Variants in DENND2A observed in about 807,000 individuals in gnomAD.
DENND2A encodes DENN domain containing 2A, also known as DENN domain-containing protein 2A.
DENND2A carries 53 observed loss-of-function variants against 105.3 expected under a neutral mutation model. The observed-to-expected ratio is 0.50, with a 90% confidence interval of 0.40 to 0.63. The LOEUF is 0.63. Ranked by LOEUF, DENND2A falls within the 30% of genes least tolerant of loss-of-function variation. The pLI is 0.00. For synonymous variants in DENND2A, 522 were observed against 508.4 expected (o/e 1.03, Z -0.36); for missense variants, 1,138 against 1,279.6 (o/e 0.89, Z 1.69).
At position 140,617,086 on chromosome 7, in the gene DENND2A, G is replaced by C. The variant is rs145484125; in HGVS notation, c.-247-11280C>G. Among the ~76,000 whole-genome samples the C allele has an allele frequency of 4.0e-3, 608 of 152,290 alleles. 2 individuals are homozygous for C. The highest frequency in any genetic ancestry group is 0.014 in the African/African-American group (564 of 41,566). On this transcript the variant is annotated intron_variant, in intron 1 of 19. Coordinates refer to ENST00000496613, the MANE Select transcript of DENND2A (RefSeq NM_015689.5). ...TTGGCCAGGATGGTCTCGAACTCCC[G>C]ACCTCAGGTGATCTGCCCGCCTTGG...
chr7:140,559,740 G>A lies in DENND2A; in HGVS notation c.1857C>T (p.Ala619=), dbSNP rs199689388. The change falls in exon 10 of 20, where the codon GCC becomes GCT. Residue 619 remains alanine, a synonymous_variant. Transcript: ENST00000496613. This position sits in a 1 kb window ranked among gnomAD's most constrained non-coding sequence, Gnocchi z 4.1. ...KAIPQFCFPD[A]KDWVPVQQFT... ...ACTGCTGGACAGGAACCCAATCCTTGGCATCGGGAAAACAGAACTGGGGAA... is the reference window on the plus strand; with the variant it reads ...ACTGCTGGACAGGAACCCAATCCTTAGCATCGGGAAAACAGAACTGGGGAA... The A allele has an allele frequency of 3.9e-4, 630 of 1,613,966 alleles. No individual in the cohort carries two copies. Among genetic ancestry groups the A allele is most frequent in the Non-Finnish European group, 4.9e-4 (583 of 1,179,962 alleles).
At chr7:140,543,125 T>G (rs1563128075) in intron 14 of DENND2A, among the ~76,000 whole-genome samples, 1 of 46,602 alleles carries the variant, frequency 2.1e-5, no homozygotes, top group Non-Finnish European at 4.2e-5. Context: ...TCTTTTCTTT[T>G]TTTTTTTTTT....
At chr7:140,558,083 C>A in intron 11 of DENND2A, 60 bp downstream of exon 11, 1 of 1,458,910 alleles carries the variant, frequency 6.9e-7, no homozygotes, top group South Asian at 1.2e-5. Flanking sequence ...AGACCTGGCT[C>A]TTGCACCAGG....
chr7:140,584,762 G>A (rs1400059715), intron 5 of DENND2A, among the ~76,000 whole-genome samples: 1 of 152,012 alleles, frequency 6.6e-6, no homozygotes, highest in Non-Finnish European at 1.5e-5. Context: ...CTCCAACATT[G>A]GGGATGGAGA....
intron 6 of DENND2A, 146 bp from the exon 7 acceptor site, chr7:140,569,884 T>C: frequency 1.7e-6 from 1 of 604,226 alleles, no homozygotes; most frequent in South Asian, 1.9e-5. Context: ...ATGGGTGTCT[T>C]TCAATCATTT....
intron 9 of DENND2A, among the ~76,000 whole-genome samples, chr7:140,566,774 T>A (rs1425657022): frequency 7.1e-6 from 1 of 141,134 alleles, no homozygotes; most frequent in Non-Finnish European, 1.5e-5. Context: ...GCAACCTCCA[T>A]CTCCTGGGTT....
Position 140,523,177 on chromosome 7 carries a change from A to G in DENND2A, c.2665+130T>C, listed in dbSNP as rs1795923318. 1 of 802,532 alleles carries G rather than the reference A, an allele frequency of 1.2e-6. No homozygotes were observed. Among genetic ancestry groups the G allele is most frequent in the Admixed American group, 2.2e-5 (1 of 46,066 alleles). 49.7% of individuals were successfully genotyped at this position (802,532 alleles called of 1,614,324 possible). A position where few individuals can be genotyped will look rare whatever the true frequency, so the allele number is the denominator to read the frequency against. ...TGGGAATGAAATCCAGATAAACAGA[A>G]TGAGGCCCTGGTTTCTCTCCTTATG... On this transcript the variant is annotated intron_variant, in intron 17 of 19. Coordinates refer to ENST00000496613, the MANE Select transcript of DENND2A (RefSeq NM_015689.5). This position sits in a 1 kb window ranked among gnomAD's most constrained non-coding sequence, Gnocchi z 4.5.
intron 12 of DENND2A, among the ~76,000 whole-genome samples, chr7:140,552,562 AT>A (rs1797182011): frequency 6.6e-6 from 1 of 151,478 alleles, no homozygotes; most frequent in African/African-American, 2.4e-5. Context: ...TGCCTGGCTA[AT>A]TTTTTTGTAT....
intron 2 of DENND2A, among the ~76,000 whole-genome samples, chr7:140,602,942 GTTGT>G (rs1407419404): frequency 6.6e-6 from 1 of 152,018 alleles, no homozygotes; most frequent in Non-Finnish European, 1.5e-5. Flanking sequence ...CCTTAGGCAA[GTTGT>G]TTAAGTCCTC....
intron 9 of DENND2A, among the ~76,000 whole-genome samples, chr7:140,564,417 T>C (rs1797754954): frequency 1.3e-5 from 2 of 151,742 alleles, no homozygotes; most frequent in Admixed American, 1.3e-4. Context: ...ACTTGAAAAA[T>C]GATGTTTTAG....
At chr7:140,584,398 C>T (rs758550704) in intron 5 of DENND2A, among the ~76,000 whole-genome samples, 38 of 152,166 alleles carry the variant, frequency 2.5e-4, no homozygotes, top group Non-Finnish European at 4.9e-4. Context: ...AATATTTACT[C>T]TATGGCCCTT....
intron 1 of DENND2A, among the ~76,000 whole-genome samples, chr7:140,628,536 C>CTTTTTTTTTTTTTTTTTTTTTTTTTTTT (rs987018660): frequency 8.6e-6 from 1 of 116,140 alleles, no homozygotes; most frequent in African/African-American, 3.3e-5. Flanking sequence ...AAATTTCTTT[C>CTTTTTTTTTTTTTTTTTTTTTTTTTTTT]TTTTTTTTTT....
In DENND2A at chr7:140,523,465, G is replaced by A. The variant is rs761425174; in HGVS notation, c.2548-41C>T. The A allele has an allele frequency of 1.3e-6, 2 of 1,580,204 alleles. No homozygotes were observed. Among genetic ancestry groups the A allele is most frequent in the Non-Finnish European group, 1.7e-6 (2 of 1,150,990 alleles). ...AGCAGGTGGGCTTATGGGCACGGTG[G>A]CTGCGTCTTGGCCATAGGACACACT... On this transcript the variant is annotated intron_variant, in intron 16 of 19. Coordinates refer to ENST00000496613, the MANE Select transcript of DENND2A (RefSeq NM_015689.5). The surrounding 1 kb of genome is among the most constrained non-coding windows in gnomAD (Gnocchi z 4.5).
intron 9 of DENND2A, among the ~76,000 whole-genome samples, chr7:140,563,638 A>C (rs990839485): frequency 6.9e-6 from 1 of 145,618 alleles, no homozygotes; most frequent in Non-Finnish European, 1.5e-5. Flanking sequence ...AATGCCTGAC[A>C]TGTAAAAATG....
intron 14 of DENND2A, among the ~76,000 whole-genome samples, chr7:140,541,391 G>A (rs1278866907): frequency 1.3e-5 from 2 of 152,050 alleles, no homozygotes; most frequent in African/African-American, 4.8e-5. Flanking sequence ...CACCCCGCAG[G>A]CACGTTCCCG....
chr7:140,527,335 C>T lies in DENND2A; in HGVS notation c.2488G>A (p.Glu830Lys), dbSNP rs764502827. The T allele has an allele frequency of 6.3e-7, 1 of 1,592,346 alleles. No homozygotes were observed. The highest frequency in any genetic ancestry group is 8.5e-7 in the Non-Finnish European group (1 of 1,171,372). The change falls in exon 15 of 20, where the codon GAG becomes AAG. Residue 830 changes from glutamate to lysine, a missense_variant. Physicochemically the swap from Glu to Lys is moderately conservative, Grantham distance 56. Around this residue, in one of 2 missense-constraint regions of DENND2A, gnomAD observed 627 missense variants for 779.8 expected, o/e 0.80. Coordinates refer to ENST00000496613, the MANE Select transcript of DENND2A (RefSeq NM_015689.5). The surrounding 1 kb of genome is among the most constrained non-coding windows in gnomAD (Gnocchi z 4.9). ...LLSSSLPLLR[E>K]LPLEEVLVVD... ...GAGCTCACCTCTTCCAGCGGCAGCT[C>T]CCTGAGCAGTGGCAGCGAGCTGGAG...
chr7:140,563,676 TAAAAAAAAAAAA>T (rs139848094), intron 9 of DENND2A, among the ~76,000 whole-genome samples: 2 of 29,210 alleles, frequency 6.8e-5, no homozygotes, highest in African/African-American at 1.7e-4. Flanking sequence ...ACCATTGCAT[TAAAAAAAAAAAA>T]AAAAAAAAAA....
chr7:140,636,610 T>C (rs1800944855), intron 1 of DENND2A, among the ~76,000 whole-genome samples: 1 of 151,226 alleles, frequency 6.6e-6, no homozygotes, highest in Non-Finnish European at 1.5e-5. Context: ...TAAAATCATC[T>C]GGGGATCTCA....
intron 12 of DENND2A, among the ~76,000 whole-genome samples, chr7:140,555,060 C>T (rs1797301141): frequency 6.6e-6 from 1 of 151,934 alleles, no homozygotes; most frequent in Non-Finnish European, 1.5e-5. Flanking sequence ...GTCTTCCACC[C>T]CTCCCTTTCT....
Sources: gnomAD v4.1 joint callset for allele counts (sites outside exome capture counted in the v4.1 genomes callset) on GRCh38, gnomAD v4.1.1 for gene constraint, gnomAD v4.1.1 regional missense constraint, Gnocchi (gnomAD v3.1) non-coding constraint, MANE v1.5 for transcripts, NCBI Gene and HGNC (gene_info 2026-07-23, HGNC 2026-07-21) for gene names.